TMC1: variants seen among roughly 807,000 people sequenced by gnomAD.
TMC1 encodes transmembrane channel like 1, also known as transmembrane channel-like protein 1.
A neutral mutation model predicts 105.8 loss-of-function variants in TMC1; 84 were observed. The ratio of observed to expected loss-of-function variants is 0.79; its 90% CI spans 0.67 to 0.95. TMC1 has a LOEUF of 0.95. TMC1 is among the 40% of genes least tolerant of loss of function. The pLI, the probability that TMC1 is intolerant of heterozygous loss-of-function variation, is 0.00. For synonymous variants in TMC1, 315 were observed against 311.5 expected, an observed-to-expected ratio of 1.01 and a Z score of -0.12; for missense variants, 817 against 914.1, an observed-to-expected ratio of 0.89 and a Z score of 1.37.
chr9:72,809,108 C>T (rs1197654313), intron 18 of TMC1: 1 of 152,196 alleles, frequency 6.6e-6, no homozygotes, highest in African/African-American at 2.4e-5. Context: ...TGATTCAGCT[C>T]CTCTGAGGCA....
chr9:72,550,566 G>A (rs1823844513), intron 1 of TMC1, among the ~76,000 whole-genome samples: 1 of 149,916 alleles, frequency 6.7e-6, no homozygotes, highest in Non-Finnish European at 1.5e-5. Context: ...GCTGAGGCAG[G>A]AGAATGGCGT....
intron 2 of TMC1, among the ~76,000 whole-genome samples, chr9:72,588,997 C>T (rs1468229005): frequency 6.6e-6 from 1 of 152,028 alleles, no homozygotes; most frequent in African/African-American, 2.4e-5. Context: ...CTTGAACTCC[C>T]AACCTCAGGT....
intron 18 of TMC1, among the ~76,000 whole-genome samples, chr9:72,809,664 G>A (rs1828663791): frequency 6.6e-6 from 1 of 152,206 alleles, no homozygotes; most frequent in African/African-American, 2.4e-5. Flanking sequence ...ATGCCCAGTG[G>A]TGGTGTTTGT....
intron 6 of TMC1, 111 bp downstream of exon 6, chr9:72,688,867 G>A (rs1826417491): frequency 1.1e-6 from 1 of 931,404 alleles, no homozygotes; most frequent in Non-Finnish European, 1.7e-6. Context: ...AGTGTGTGTG[G>A]ATAACTTTTC....
At chr9:72,782,501 G>T (rs1828109780) in intron 13 of TMC1, among the ~76,000 whole-genome samples, 1 of 152,128 alleles carries the variant, frequency 6.6e-6, no homozygotes, top group African/African-American at 2.4e-5. Context: ...ACGCAAATAG[G>T]AAGAGAGGAA....
intron 11 of TMC1, among the ~76,000 whole-genome samples, chr9:72,753,173 C>T (rs748250277): frequency 9.2e-5 from 14 of 151,632 alleles, no homozygotes; most frequent in African/African-American, 1.5e-4. Flanking sequence ...TTGTCTGGCT[C>T]GTAGAAGACA....
intron 7 of TMC1, 53 bp downstream of exon 7, chr9:72,694,767 C>G: frequency 2.6e-6 from 4 of 1,543,594 alleles, no homozygotes; most frequent in South Asian, 1.2e-5. Context: ...GAAGATCACT[C>G]CTTTCAGATA....
intron 1 of TMC1, among the ~76,000 whole-genome samples, chr9:72,570,229 T>TTGTG (rs756068731): frequency 1.1e-5 from 1 of 87,610 alleles, no homozygotes; most frequent in Non-Finnish European, 2.3e-5. Flanking sequence ...GCTCAAAGAG[T>TTGTG]AGTGTGTGTG....
intron 8 of TMC1, among the ~76,000 whole-genome samples, chr9:72,715,678 C>T (rs1274059538): frequency 6.6e-6 from 1 of 151,994 alleles, no homozygotes; most frequent in Non-Finnish European, 1.5e-5. Flanking sequence ...TTTCAAGGTT[C>T]TTAGCTTCTT....
intron 5 of TMC1, among the ~76,000 whole-genome samples, chr9:72,685,233 A>C (rs1826359987): frequency 6.6e-6 from 1 of 150,798 alleles, no homozygotes; most frequent in Non-Finnish European, 1.5e-5. Flanking sequence ...CAGCCTCCCG[A>C]GTAGCTGGGA....
At chr9:72,722,440 A>T (rs1054539074) in intron 8 of TMC1, among the ~76,000 whole-genome samples, 1 of 152,096 alleles carries the variant, frequency 6.6e-6, no homozygotes, top group African/African-American at 2.4e-5. Flanking sequence ...CTCCCGTTTG[A>T]GCCTCTTTCT....
intron 12 of TMC1, among the ~76,000 whole-genome samples, chr9:72,764,447 T>C (rs998314665): frequency 4.6e-5 from 7 of 152,216 alleles, no homozygotes; most frequent in Middle Eastern, 3.2e-3. Context: ...AAAGAAATTA[T>C]ACATAAAAGC....
intron 5 of TMC1, among the ~76,000 whole-genome samples, chr9:72,664,605 C>T (rs992067656): frequency 1.3e-5 from 2 of 152,244 alleles, no homozygotes; most frequent in African/African-American, 4.8e-5. Context: ...GAAGGAGCAT[C>T]TGAATGTCAA....
intron 1 of TMC1, among the ~76,000 whole-genome samples, chr9:72,535,841 T>C (rs996054043): frequency 6.6e-6 from 1 of 152,162 alleles, no homozygotes; most frequent in African/African-American, 2.4e-5. Flanking sequence ...CCAGGCTCTT[T>C]TTAACAACCA....
chr9:72,546,408 C>A (rs1245027390), intron 1 of TMC1, among the ~76,000 whole-genome samples: 3 of 152,190 alleles, frequency 2.0e-5, no homozygotes, highest in African/African-American at 2.4e-5. Context: ...TTATTTAATT[C>A]TTTGCTTTAG....
intron 13 of TMC1, among the ~76,000 whole-genome samples, chr9:72,780,786 A>G (rs986567516): frequency 6.6e-6 from 1 of 152,226 alleles, no homozygotes; most frequent in Non-Finnish European, 1.5e-5. Flanking sequence ...CTAAATGTAT[A>G]TGTACCCAAC....
At chr9:72,645,658 T>A (rs750331866) in intron 4 of TMC1, among the ~76,000 whole-genome samples, 3 of 152,198 alleles carry the variant, frequency 2.0e-5, no homozygotes, top group Non-Finnish European at 2.9e-5. Flanking sequence ...TTCTCCACCA[T>A]GACAATGTTC....
At chr9:72,833,834 G>C (rs1472664110) in intron 23 of TMC1, among the ~76,000 whole-genome samples, 1 of 152,090 alleles carries the variant, frequency 6.6e-6, no homozygotes, top group Non-Finnish European at 1.5e-5. Context: ...TGAGCAACTT[G>C]TATTTTTGAT....
At chr9:72,591,523 A>G (rs1479899968) in intron 2 of TMC1, among the ~76,000 whole-genome samples, 3 of 152,244 alleles carry the variant, frequency 2.0e-5, no homozygotes, top group Non-Finnish European at 4.4e-5. Context: ...TTTCTGAAGC[A>G]GTGGTTCTCA....
Sources: gnomAD v4.1 joint callset for allele counts (sites outside exome capture counted in the v4.1 genomes callset) on GRCh38, gnomAD v4.1.1 for gene constraint, MANE v1.5 for transcripts, NCBI Gene and HGNC (gene_info 2026-07-23, HGNC 2026-07-21) for gene names.